The following STK10 variants were observed in gnomAD, a reference collection of about 807,000 sequenced individuals.
The protein encoded by STK10 is serine/threonine-protein kinase 10.
Under a neutral mutation model 113.8 loss-of-function variants are expected in STK10, and 78 were observed. The ratio of observed to expected loss-of-function variants is 0.69; its 90% CI spans 0.57 to 0.83. The LOEUF (loss-of-function observed/expected upper bound fraction) is 0.83, where lower values mean the gene tolerates loss of function less well. Ranked by LOEUF, STK10 falls within the 40% of genes least tolerant of loss-of-function variation. STK10 has a pLI of 0.00. For synonymous variants in STK10, 465 were observed against 494.7 expected (o/e 0.94, Z 0.80); for missense variants, 1,109 against 1,280.1 (o/e 0.87, Z 2.04).
At position 172,133,071 on chromosome 5, in the gene STK10, C is replaced by T. The variant is rs1169170792; in HGVS notation, c.322-5650G>A. Among the ~76,000 whole-genome samples, 1 of 152,150 alleles carries T rather than the reference C, an allele frequency of 6.6e-6. No individual in the cohort carries two copies. The highest frequency in any genetic ancestry group is 1.9e-4 in the East Asian group (1 of 5,198). On this transcript the variant is annotated intron_variant, in intron 2 of 18. Transcript: ENST00000176763. The surrounding 1 kb of genome is among the most constrained non-coding windows in gnomAD (Gnocchi z 4.9). ...GCAGAGGTGGGGCAGCAGGGAAAAG[C>T]GTGGAAGCGGGTAATGGCGGAGCAT...
At chr5:172,186,857 AGAG>A (rs1049233615) in intron 1 of STK10, among the ~76,000 whole-genome samples, 1 of 152,094 alleles carries the variant, frequency 6.6e-6, no homozygotes, top group Non-Finnish European at 1.5e-5. Context: ...CTTCCAAGTC[AGAG>A]GAGAAGGCCT....
At chr5:172,111,809 C>T (rs1247801905) in intron 4 of STK10, among the ~76,000 whole-genome samples, 1 of 152,216 alleles carries the variant, frequency 6.6e-6, no homozygotes, top group Non-Finnish European at 1.5e-5. Context: ...AAGCACTCAA[C>T]AGGTTTATCG....
chr5:172,081,459 GA>G (rs2113729548), intron 12 of STK10, among the ~76,000 whole-genome samples: 2 of 152,018 alleles, frequency 1.3e-5, no homozygotes, highest in South Asian at 4.2e-4. Flanking sequence ...ATGGTTTACT[GA>G]ATATTGACTG....
intron 1 of STK10, among the ~76,000 whole-genome samples, chr5:172,182,907 A>G (rs1419387953): frequency 6.6e-6 from 1 of 152,086 alleles, no homozygotes; most frequent in Non-Finnish European, 1.5e-5. Context: ...AGGCTGGCAA[A>G]GCAATTTTTA....
At chr5:172,106,412 A>AAAAAAAAAAAAAAAAAAC (rs1769109238) in intron 6 of STK10, among the ~76,000 whole-genome samples, 1 of 144,646 alleles carries the variant, frequency 6.9e-6, no homozygotes, top group Non-Finnish European at 1.5e-5. Context: ...AAAAAAAAAA[A>AAAAAAAAAAAAAAAAAAC]AAAAAAGGAA....
At chr5:172,172,884 G>A (rs753605215) in intron 1 of STK10, among the ~76,000 whole-genome samples, 2 of 152,136 alleles carry the variant, frequency 1.3e-5, no homozygotes, top group Non-Finnish European at 2.9e-5. Context: ...GGAGCCTGAG[G>A]CAGGAGAATC....
chr5:172,170,613 G>A (rs997055515), intron 1 of STK10, among the ~76,000 whole-genome samples: 7 of 152,228 alleles, frequency 4.6e-5, no homozygotes, highest in African/African-American at 1.7e-4. Context: ...ATGTTGAGCC[G>A]CAAAAGTTCT....
chr5:172,066,723 T>C (rs1486884318), intron 12 of STK10, among the ~76,000 whole-genome samples: 2 of 152,152 alleles, frequency 1.3e-5, no homozygotes, highest in Non-Finnish European at 2.9e-5. Context: ...GCGGCGTAGG[T>C]TGCAGTGAGC....
intron 2 of STK10, among the ~76,000 whole-genome samples, chr5:172,151,769 T>C (rs1013357281): frequency 7.2e-5 from 11 of 152,360 alleles, no homozygotes; most frequent in Admixed American, 2.6e-4. Flanking sequence ...TGCTCACTGA[T>C]GAATCCCCAG....
intron 1 of STK10, among the ~76,000 whole-genome samples, chr5:172,168,998 C>G (rs956566773): frequency 6.6e-6 from 1 of 152,140 alleles, no homozygotes; most frequent in Non-Finnish European, 1.5e-5. Context: ...TCCCCAGGGT[C>G]CCGCCATTCC....
intron 2 of STK10, among the ~76,000 whole-genome samples, chr5:172,129,222 G>A (rs1769695001): frequency 6.6e-6 from 1 of 152,200 alleles, no homozygotes; most frequent in Admixed American, 6.5e-5. Context: ...CTTTAACGTG[G>A]GCCAGGGATA....
intron 2 of STK10, among the ~76,000 whole-genome samples, chr5:172,130,852 A>G (rs1488017670): frequency 6.6e-6 from 1 of 152,176 alleles, no homozygotes; most frequent in African/African-American, 2.4e-5. Context: ...ACCAAATGAA[A>G]TCACCAGTAA....
At chr5:172,124,865 T>C (rs1247368782) in intron 3 of STK10, among the ~76,000 whole-genome samples, 2 of 151,226 alleles carry the variant, frequency 1.3e-5, no homozygotes, top group African/African-American at 4.9e-5. Flanking sequence ...AAAAACTAAA[T>C]GGTCTTTAGT....
chr5:172,076,432 T>A (rs1176287824), intron 12 of STK10, among the ~76,000 whole-genome samples: 1 of 81,870 alleles, frequency 1.2e-5, no homozygotes, highest in East Asian at 2.9e-4. Flanking sequence ...GCGTTAGTTG[T>A]GGGGGCTGTC....
At chr5:172,062,796 A>G (rs1464084425) in intron 13 of STK10, among the ~76,000 whole-genome samples, 1 of 152,266 alleles carries the variant, frequency 6.6e-6, no homozygotes, top group African/African-American at 2.4e-5. Flanking sequence ...TTACAAGACA[A>G]GAGAGTTCTG....
chr5:172,165,024 C>T (rs1285732346), intron 1 of STK10, among the ~76,000 whole-genome samples: 5 of 152,154 alleles, frequency 3.3e-5, no homozygotes, highest in Non-Finnish European at 7.4e-5. Flanking sequence ...CGCAAGGGGC[C>T]CAGCCTGGAG....
At chr5:172,186,457 C>T (rs1185264668) in intron 1 of STK10, among the ~76,000 whole-genome samples, 3 of 151,750 alleles carry the variant, frequency 2.0e-5, no homozygotes, top group Non-Finnish European at 4.4e-5. Context: ...AACCCCAAGT[C>T]TACAAAAAAT....
At chr5:172,138,873 A>G (rs1363681827) in intron 2 of STK10, among the ~76,000 whole-genome samples, 1 of 151,926 alleles carries the variant, frequency 6.6e-6, no homozygotes, top group Admixed American at 6.6e-5. Context: ...AATCAGCTGG[A>G]CGTGGTGGCG....
At chr5:172,160,360 AG>A (rs1416053088) in intron 1 of STK10, among the ~76,000 whole-genome samples, 1 of 151,634 alleles carries the variant, frequency 6.6e-6, no homozygotes, top group African/African-American at 2.4e-5. Context: ...CTGTAATCTC[AG>A]CTACTCAAGA....
Sources: gnomAD v4.1 joint callset for allele counts (sites outside exome capture counted in the v4.1 genomes callset) on GRCh38, gnomAD v4.1.1 for gene constraint, Gnocchi (gnomAD v3.1) non-coding constraint, MANE v1.5 for transcripts, NCBI Gene and HGNC (gene_info 2026-07-23, HGNC 2026-07-21) for gene names.